Variants in SBF2 observed in about 807,000 individuals in gnomAD.
The protein encoded by SBF2 is SET binding factor 2.
In SBF2, 112 loss-of-function variants were observed where a neutral mutation model predicts 225.2. That is an observed-to-expected ratio of 0.50 (90% CI 0.43 to 0.58). SBF2 has a LOEUF of 0.58. Among genes scored for constraint, SBF2 ranks in the 20% least tolerant of loss-of-function variants. The pLI, the probability that SBF2 is intolerant of heterozygous loss-of-function variation, is 0.00. For missense variants in SBF2, 1,996 were observed against 2,206.2 expected (o/e 0.90, Z 1.91); for synonymous variants, 763 against 773.3 (o/e 0.99, Z 0.22).
intron 39 of SBF2, 24 bp from the exon 40 acceptor site, chr11:9,780,540 C>T (rs763899261): frequency 2.5e-6 from 4 of 1,603,178 alleles, no homozygotes; most frequent in Non-Finnish European, 3.4e-6. Flanking sequence ...TGACAGTGAA[C>T]CAGAGATGAA....
intron 2 of SBF2, among the ~76,000 whole-genome samples, chr11:10,111,139 T>C (rs1301415747): frequency 1.3e-5 from 2 of 152,204 alleles, no homozygotes; most frequent in African/African-American, 4.8e-5. Context: ...TAAAATTATA[T>C]GCTGACATAA....
intron 2 of SBF2, among the ~76,000 whole-genome samples, chr11:10,154,919 C>A (rs185098498): frequency 3.9e-5 from 6 of 152,222 alleles, no homozygotes; most frequent in Admixed American, 6.5e-5. Flanking sequence ...TCTATTTTGA[C>A]AAACTAAATT....
intron 6 of SBF2, among the ~76,000 whole-genome samples, chr11:10,023,027 G>C (rs1425400674): frequency 1.3e-5 from 2 of 152,060 alleles, no homozygotes; most frequent in Non-Finnish European, 2.9e-5. Context: ...TTGATACTTA[G>C]ATCTTGGTTC....
At chr11:10,184,749 C>T (rs1448863069) in intron 2 of SBF2, among the ~76,000 whole-genome samples, 3 of 152,116 alleles carry the variant, frequency 2.0e-5, no homozygotes, top group Non-Finnish European at 2.9e-5. Context: ...TTGCTTGAGA[C>T]GGAGTCTCAC....
intron 1 of SBF2, among the ~76,000 whole-genome samples, chr11:10,273,074 AAAAAAAATAAATAAAT>A (rs1962655480): frequency 4.4e-5 from 2 of 45,476 alleles, no homozygotes; most frequent in Non-Finnish European, 1.4e-4. Flanking sequence ...CGTCTCCGAA[AAAAAAAATAAATAAAT>A]AAATAAATAA....
At chr11:9,944,667 A>G (rs1025942926) in intron 16 of SBF2, among the ~76,000 whole-genome samples, 1 of 152,240 alleles carries the variant, frequency 6.6e-6, no homozygotes, top group Non-Finnish European at 1.5e-5. Flanking sequence ...GATGACACAA[A>G]TAAATGGAAA....
chr11:9,985,350 TC>T, intron 13 of SBF2, among the ~76,000 whole-genome samples: 1 of 152,044 alleles, frequency 6.6e-6, no homozygotes, highest in Non-Finnish European at 1.5e-5. Flanking sequence ...TGAGATAGAG[TC>T]CTGCTCTGAC....
At chr11:9,938,311 A>G (rs1453587520) in intron 16 of SBF2, among the ~76,000 whole-genome samples, 2 of 152,142 alleles carry the variant, frequency 1.3e-5, no homozygotes, top group Non-Finnish European at 2.9e-5. Flanking sequence ...AAGAAAAAAA[A>G]AAGATAATAT....
At chr11:10,191,438 C>A (rs1194894769) in intron 2 of SBF2, among the ~76,000 whole-genome samples, 1 of 151,992 alleles carries the variant, frequency 6.6e-6, no homozygotes, top group East Asian at 1.9e-4. Flanking sequence ...TTAAAATGGA[C>A]TTTGATAGAT....
intron 2 of SBF2, among the ~76,000 whole-genome samples, chr11:10,165,958 GA>G (rs1242906548): frequency 1.3e-5 from 2 of 152,080 alleles, no homozygotes; most frequent in East Asian, 3.9e-4. Flanking sequence ...TCACAGAAAA[GA>G]ATAAGACTCT....
chr11:9,946,333 G>A (rs569620693), intron 16 of SBF2, among the ~76,000 whole-genome samples: 3 of 151,952 alleles, frequency 2.0e-5, no homozygotes, highest in Non-Finnish European at 4.4e-5. Context: ...CAACACACAA[G>A]TTAACCACAT....
chr11:10,215,279 A>T (rs904887289), intron 1 of SBF2, among the ~76,000 whole-genome samples: 5 of 152,190 alleles, frequency 3.3e-5, no homozygotes, highest in African/African-American at 1.2e-4. Context: ...AGCCAAGAAG[A>T]CTATTAGGCA....
At chr11:10,256,816 C>G (rs1261446400) in intron 1 of SBF2, among the ~76,000 whole-genome samples, 1 of 152,158 alleles carries the variant, frequency 6.6e-6, no homozygotes, top group African/African-American at 2.4e-5. Context: ...GCATCTCTCT[C>G]ATCAAAATCT....
intron 2 of SBF2, among the ~76,000 whole-genome samples, chr11:10,059,420 T>C (rs1005670459): frequency 6.6e-6 from 1 of 151,978 alleles, no homozygotes; most frequent in Non-Finnish European, 1.5e-5. Context: ...GAAATAGCAA[T>C]ACATAATGAT....
At chr11:9,876,830 C>T (rs1001598945) in intron 17 of SBF2, among the ~76,000 whole-genome samples, 8 of 152,172 alleles carry the variant, frequency 5.3e-5, no homozygotes, top group Non-Finnish European at 8.8e-5. Context: ...ACCTCTGCCT[C>T]CTTGGTTCAA....
chr11:10,178,075 A>G (rs965824851), intron 2 of SBF2, among the ~76,000 whole-genome samples: 1 of 147,218 alleles, frequency 6.8e-6, no homozygotes, highest in Non-Finnish European at 1.5e-5. Flanking sequence ...CAAACCTGAG[A>G]AAAACAAGCA....
chr11:9,845,823 C>T, intron 23 of SBF2, 83 bp from the exon 24 acceptor site: 2 of 1,294,434 alleles, frequency 1.5e-6, no homozygotes, highest in Non-Finnish European at 2.2e-6. Flanking sequence ...TATAATAACA[C>T]AAAATGGCAA....
intron 1 of SBF2, among the ~76,000 whole-genome samples, chr11:10,239,811 T>C (rs1465490535): frequency 6.6e-6 from 1 of 152,174 alleles, no homozygotes; most frequent in African/African-American, 2.4e-5. Context: ...TATAGAAAAG[T>C]ATTGATATAC....
At chr11:10,256,936 T>G (rs1429973071) in intron 1 of SBF2, among the ~76,000 whole-genome samples, 1 of 152,224 alleles carries the variant, frequency 6.6e-6, no homozygotes, top group East Asian at 1.9e-4. Flanking sequence ...TGAAAGATAA[T>G]TATTTATTAT....
Sources: gnomAD v4.1 joint callset for allele counts (sites outside exome capture counted in the v4.1 genomes callset) on GRCh38, gnomAD v4.1.1 for gene constraint, MANE v1.5 for transcripts, NCBI Gene and HGNC (gene_info 2026-07-23, HGNC 2026-07-21) for gene names.